RFX3: variants seen among roughly 807,000 people sequenced by gnomAD.
RFX3 encodes transcription factor RFX3.
RFX3 carries 14 observed loss-of-function variants against 98.6 expected under a neutral mutation model. The ratio of observed to expected loss-of-function variants is 0.14; its 90% CI spans 0.09 to 0.22. The LOEUF is 0.22. Among genes scored for constraint, RFX3 ranks in the 10% least tolerant of loss-of-function variants. The probability of loss-of-function intolerance (pLI) is 1.00; values close to 1 mark genes in which losing one functional copy is unlikely to be tolerated. For synonymous variants in RFX3, 383 were observed against 328.4 expected (o/e 1.17, Z -1.80); for missense variants, 639 against 926.9 (o/e 0.69, Z 4.03).
chr9:3,233,091 C>T (rs1205572825), intron 15 of RFX3, among the ~76,000 whole-genome samples: 3 of 152,174 alleles, frequency 2.0e-5, no homozygotes, highest in Non-Finnish European at 4.4e-5. Context: ...TCCTCTGGGT[C>T]CTGACTAGGG....
At chr9:3,268,086 C>A (rs1823885904) in intron 11 of RFX3, among the ~76,000 whole-genome samples, 1 of 151,754 alleles carries the variant, frequency 6.6e-6, no homozygotes, top group African/African-American at 2.4e-5. Flanking sequence ...TCTGGGCCAC[C>A]TCTGGTTATA....
At chr9:3,332,889 C>T (rs1295222683) in intron 3 of RFX3, among the ~76,000 whole-genome samples, 1 of 150,858 alleles carries the variant, frequency 6.6e-6, no homozygotes, top group Non-Finnish European at 1.5e-5. Flanking sequence ...CCTAATCATT[C>T]TTAAGCTCTC....
In RFX3 at chr9:3,282,109, A is replaced by G. The variant is rs1253068945; in HGVS notation, c.852-4648T>C. 2.0e-5 allele frequency among the ~76,000 whole-genome samples: 3 copies of G among 151,756 alleles called. No individual in the cohort carries two copies. The Admixed American group carries it at 2.0e-4, about 10-fold the overall frequency. ...GCTCAGAACAAGGGCAGGAGGCTAGAATTTTCTACTGGAATCTTGTAATCT... is the reference window on the plus strand; with the variant it reads ...GCTCAGAACAAGGGCAGGAGGCTAGGATTTTCTACTGGAATCTTGTAATCT... On this transcript the variant is annotated intron_variant, in intron 7 of 16. Coordinates refer to ENST00000617270, the MANE Select transcript of RFX3 (RefSeq NM_001282116.2).
intron 1 of RFX3, among the ~76,000 whole-genome samples, chr9:3,475,959 T>G (rs1849211200): frequency 1.3e-5 from 2 of 152,208 alleles, no homozygotes; most frequent in African/African-American, 2.4e-5. Flanking sequence ...TCCCAGACGC[T>G]GGCGTTACCG....
intron 1 of RFX3, among the ~76,000 whole-genome samples, chr9:3,481,121 A>G (rs868084663): frequency 1.4e-4 from 22 of 152,274 alleles, no homozygotes; most frequent in African/African-American, 5.1e-4. Context: ...GATAATCTAT[A>G]ACCCTTACAA....
rs570979126 is a variant in RFX3, at chr9:3,424,519, G to A, written c.-8-28923C>T. ...TGGGACTACAGGCGCCCGCCACCGCGCCCGGATAATTTTTGTATTTTTAGT... is the reference window on the plus strand; with the variant it reads ...TGGGACTACAGGCGCCCGCCACCGCACCCGGATAATTTTTGTATTTTTAGT... On this transcript the variant is annotated intron_variant, in intron 1 of 16. Transcript: ENST00000617270. 1.5e-3 allele frequency among the ~76,000 whole-genome samples: 225 copies of A among 151,176 alleles called. 5 individuals carry two copies. In the East Asian group the frequency reaches 0.028, roughly 19 times the overall value.
chr9:3,523,975 T>C (rs1017413830), intron 1 of RFX3, among the ~76,000 whole-genome samples: 5 of 152,198 alleles, frequency 3.3e-5, no homozygotes, highest in Non-Finnish European at 7.3e-5. Context: ...TTAGCCTTAA[T>C]AGCATTATAA....
chr9:3,436,247 C>A (rs912807208), intron 1 of RFX3, among the ~76,000 whole-genome samples: 2 of 151,992 alleles, frequency 1.3e-5, no homozygotes, highest in African/African-American at 4.8e-5. Context: ...CAATATCCTT[C>A]TAGATTTCCA....
At chr9:3,454,014 G>A (rs1846920381) in intron 1 of RFX3, among the ~76,000 whole-genome samples, 1 of 152,094 alleles carries the variant, frequency 6.6e-6, no homozygotes, top group African/African-American at 2.4e-5. Flanking sequence ...AGTTAGAGTA[G>A]TACATATAAA....
intron 1 of RFX3, among the ~76,000 whole-genome samples, chr9:3,432,022 G>A (rs540867351): frequency 2.6e-5 from 4 of 152,256 alleles, no homozygotes; most frequent in South Asian, 4.2e-4. Flanking sequence ...CTATAAATCT[G>A]TTCCCCAAGC....
At position 3,263,004 on chromosome 9, in the gene RFX3, C is replaced by T; in HGVS notation, c.1536G>A (p.Val512=). The T allele has an allele frequency of 1.2e-6, 2 of 1,613,882 alleles. No homozygotes were observed. The highest frequency in any genetic ancestry group is 8.5e-7 in the Non-Finnish European group (1 of 1,179,810). Residue 512 remains valine (V), a synonymous_variant, in exon 13 of 17, where the codon GTG becomes GTA. Coordinates refer to ENST00000617270, the MANE Select transcript of RFX3 (RefSeq NM_001282116.2). ...GGTTGATTTGGGAAGTGTTCTGAAG[C>T]ACTGCACGAGCTGCCTGGGCCAGGT... ...LNHLAQAARA[V]LQNTSQINQM... is the part of the protein sequence containing the mutation.
intron 1 of RFX3, among the ~76,000 whole-genome samples, chr9:3,458,301 T>A (rs1847373742): frequency 6.6e-6 from 1 of 152,148 alleles, no homozygotes; most frequent in African/African-American, 2.4e-5. Flanking sequence ...GGAGTAGCAA[T>A]CCAGATGTAT....
At chr9:3,305,353 A>C (rs937731420) in intron 4 of RFX3, among the ~76,000 whole-genome samples, 3 of 151,966 alleles carry the variant, frequency 2.0e-5, no homozygotes, top group Non-Finnish European at 4.4e-5. Context: ...TTTCAGATAA[A>C]GCCAGGAGAA....
At chr9:3,238,412 C>T (rs1819468436) in intron 15 of RFX3, among the ~76,000 whole-genome samples, 1 of 152,164 alleles carries the variant, frequency 6.6e-6, no homozygotes, top group Admixed American at 6.5e-5. Flanking sequence ...GGATGAAGTG[C>T]TTGTGTGTGC....
intron 1 of RFX3, among the ~76,000 whole-genome samples, chr9:3,424,062 A>G (rs184656989): frequency 0.012 from 1,873 of 150,796 alleles, 15 homozygotes; most frequent in Middle Eastern, 0.034. Context: ...CAGGAGAATG[A>G]CGTGAACCCG....
chr9:3,504,921 C>CATATATTATATATATATATAATATAAT (rs1816714217), intron 1 of RFX3, among the ~76,000 whole-genome samples: 6 of 21,428 alleles, frequency 2.8e-4, no homozygotes, highest in East Asian at 5.2e-3. Context: ...TATAATATAA[C>CATATATTATATATATATATAATATAAT]ATATATTATA....
intron 1 of RFX3, among the ~76,000 whole-genome samples, chr9:3,431,646 T>C (rs1844666996): frequency 1.3e-5 from 2 of 152,186 alleles, no homozygotes. Flanking sequence ...GTTGTCATTA[T>C]ATGACAATTT....
rs138351796 is a variant in RFX3 at position 3,244,048 on chromosome 9, C to A, written c.1968+3984G>T. ...ATGGAGTCCCGCTTTGTCGCCCAGG[C>A]TGGAGTGCAGTGGCGTGACCTTGTC... On this transcript the variant is annotated intron_variant, in intron 15 of 16. Coordinates refer to ENST00000617270, the MANE Select transcript of RFX3 (RefSeq NM_001282116.2). Among the ~76,000 whole-genome samples the A allele has an allele frequency of 9.2e-3, 1,380 of 150,810 alleles. 9 individuals are homozygous for A. Among genetic ancestry groups the A allele is most frequent in the Non-Finnish European group, 0.016 (1,053 of 67,836 alleles).
chr9:3,269,568 T>C (rs145062789), intron 11 of RFX3, among the ~76,000 whole-genome samples: 3 of 152,264 alleles, frequency 2.0e-5, no homozygotes, highest in Non-Finnish European at 4.4e-5. Flanking sequence ...TAGTTTCAGC[T>C]GCCTCTAACA....
Sources: allele counts gnomAD v4.1 joint callset (sites outside exome capture counted in the v4.1 genomes callset), GRCh38; gene constraint gnomAD v4.1.1; transcripts MANE v1.5; gene names NCBI Gene and HGNC (gene_info 2026-07-23, HGNC 2026-07-21).